Variants in TTC7B observed in about 807,000 individuals in gnomAD.
TTC7B encodes the protein tetratricopeptide repeat domain 7B, also known as tetratricopeptide repeat protein 7B.
TTC7B carries 28 observed loss-of-function variants against 106.8 expected under a neutral mutation model. The observed-to-expected ratio is 0.26, with a 90% CI of 0.19 to 0.36. TTC7B has a LOEUF of 0.36. Among genes scored for constraint, TTC7B ranks in the 10% least tolerant of loss-of-function variants. The pLI, the probability that TTC7B is intolerant of heterozygous loss-of-function variation, is 1.00. For synonymous variants in TTC7B, 405 were observed against 430.6 expected (o/e 0.94, Z 0.74); for missense variants, 862 against 1,076.4 (o/e 0.80, Z 2.79).
intron 18 of TTC7B, among the ~76,000 whole-genome samples, chr14:90,590,359 G>C (rs986257892): frequency 6.6e-6 from 1 of 152,062 alleles, no homozygotes; most frequent in Non-Finnish European, 1.5e-5. Context: ...GGTCATCTCC[G>C]AGTGACCTTT....
intron 19 of TTC7B, among the ~76,000 whole-genome samples, chr14:90,558,590 A>G (rs4904705): frequency 0.34 from 52,109 of 152,168 alleles, 9,841 homozygotes; most frequent in Admixed American, 0.44. Context: ...TAAATGATAA[A>G]ACACCTTCTG....
chr14:90,699,638 C>A (rs1253294413), intron 5 of TTC7B, among the ~76,000 whole-genome samples: 1 of 152,166 alleles, frequency 6.6e-6, no homozygotes, highest in African/African-American at 2.4e-5. Flanking sequence ...GGCTGAGAAT[C>A]TTATAACTAA....
chr14:90,805,348 C>T lies in TTC7B; in HGVS notation c.121+10827G>A, dbSNP rs1324790822. Among the ~76,000 whole-genome samples the T allele has an allele frequency of 3.3e-5, 5 of 152,322 alleles. No homozygotes were observed. The highest frequency in any genetic ancestry group is 2.1e-4 in the South Asian group (1 of 4,826). The stretch of plus-strand genomic sequence containing the variant: ...TCGGCTCACTGCAACCTCTACCTCC[C>T]GGGTTCAGGCAATTCTCCTGTTCTC... On this transcript the variant is annotated intron_variant, in intron 1 of 19. Coordinates refer to ENST00000328459, the MANE Select transcript of TTC7B (RefSeq NM_001010854.2). This position sits in a 1 kb window ranked among gnomAD's most constrained non-coding sequence, Gnocchi z 4.0.
rs549253131 is a variant in TTC7B at position 90,674,247 on chromosome 14, C to G, written c.1152+2276G>C. Among the ~76,000 whole-genome samples, 3 of 152,314 alleles carry G rather than the reference C, an allele frequency of 2.0e-5. No homozygotes were observed. In the East Asian group the frequency reaches 5.8e-4, roughly 29 times the overall value. On this transcript the variant is annotated intron_variant, in intron 9 of 19. Coordinates refer to ENST00000328459, the MANE Select transcript of TTC7B (RefSeq NM_001010854.2). ...ACCCAGAGTAGGATGTGGCCTCGGACAGAGGGAGGGAGAGAGGGCCCACAC... is the reference window on the plus strand; with the variant it reads ...ACCCAGAGTAGGATGTGGCCTCGGAGAGAGGGAGGGAGAGAGGGCCCACAC...
At chr14:90,638,869 G>A (rs982613191) in intron 15 of TTC7B, among the ~76,000 whole-genome samples, 2 of 152,250 alleles carry the variant, frequency 1.3e-5, no homozygotes, top group African/African-American at 2.4e-5. Context: ...GGACTGGCAC[G>A]ATGGCCAATG....
chr14:90,678,381 A>G (rs1205621268), intron 8 of TTC7B, among the ~76,000 whole-genome samples: 6 of 152,238 alleles, frequency 3.9e-5, no homozygotes, highest in Non-Finnish European at 8.8e-5. Context: ...CAGTACCAAC[A>G]AAGAACACAA....
chr14:90,805,798 T>C lies in TTC7B; in HGVS notation c.121+10377A>G, dbSNP rs2030570476. ...GCCGCCCTGCAGGGGGTCCGTGCCC[T>C]GCCTCAGCTCATCAGAGTCACTCCT... On this transcript the variant is annotated intron_variant, in intron 1 of 19. Transcript: ENST00000328459. The surrounding 1 kb of genome is among the most constrained non-coding windows in gnomAD (Gnocchi z 4.0). Among the ~76,000 whole-genome samples the C allele has an allele frequency of 6.6e-6, 1 of 152,168 alleles. No individual in the cohort carries two copies. Among genetic ancestry groups the C allele is most frequent in the Non-Finnish European group, 1.5e-5 (1 of 68,030 alleles).
At chr14:90,722,645 A>G (rs560651576) in intron 5 of TTC7B, among the ~76,000 whole-genome samples, 1 of 152,206 alleles carries the variant, frequency 6.6e-6, no homozygotes, top group South Asian at 2.1e-4. Context: ...CTGCTCCTCA[A>G]CTTCCCCTGT....
intron 15 of TTC7B, among the ~76,000 whole-genome samples, chr14:90,639,420 C>G (rs1345530414): frequency 6.6e-6 from 1 of 152,006 alleles, no homozygotes; most frequent in Non-Finnish European, 1.5e-5. Flanking sequence ...GGTGAATGAC[C>G]AATAGACAAA....
rs746384767 is a variant in TTC7B, at chr14:90,786,380, GGA to G, written c.122-54_122-53del. On this transcript the variant is annotated intron_variant, in intron 1 of 19. Transcript: ENST00000328459. The stretch of plus-strand genomic sequence containing the variant: ...GGGAGCAAGGAATGGCCTGCATGTA[GGA>G]CCCCCTCACTCAAGGGACCCCAGAA... 2.5e-6 allele frequency: 4 copies of G among 1,601,506 alleles called. No homozygotes were observed. The Admixed American group carries it at 6.7e-5, about 27-fold the overall frequency.
rs1049983724 is a variant in TTC7B at position 90,610,913 on chromosome 14, G to A, written c.1869-74C>T. On this transcript the variant is annotated intron_variant, in intron 16 of 19. Transcript: ENST00000328459. ...GAAGGAAAGAGAGGCAACCAATACT[G>A]ACTCCTGAAGGCCAATGAATACTTT... 28 of 955,484 alleles carry A rather than the reference G, an allele frequency of 2.9e-5. No individual in the cohort carries two copies. The African/African-American group carries it at 4.4e-4, about 15-fold the overall frequency. 59.2% of individuals were successfully genotyped at this position (955,484 alleles called of 1,614,324 possible).
intron 19 of TTC7B, among the ~76,000 whole-genome samples, chr14:90,549,335 G>C (rs1358136310): frequency 6.6e-6 from 1 of 152,180 alleles, no homozygotes; most frequent in Non-Finnish European, 1.5e-5. Context: ...GGCCACCTGA[G>C]TCAAACGGGC....
intron 19 of TTC7B, among the ~76,000 whole-genome samples, 193 bp from the exon 20 acceptor site, chr14:90,541,782 T>C (rs1889603661): frequency 1.3e-5 from 2 of 152,234 alleles, no homozygotes; most frequent in African/African-American, 2.4e-5. Flanking sequence ...AGCTGACTAA[T>C]ATGAAATTGC....
intron 5 of TTC7B, chr14:90,698,991 C>A: frequency 2.9e-6 from 1 of 339,966 alleles, no homozygotes; most frequent in Non-Finnish European, 5.7e-6. Flanking sequence ...CTGGTTTTAT[C>A]CTCCTCCTGC....
intron 7 of TTC7B, among the ~76,000 whole-genome samples, chr14:90,686,984 C>G (rs993469710): frequency 2.7e-5 from 4 of 150,128 alleles, no homozygotes; most frequent in African/African-American, 9.8e-5. Flanking sequence ...ATTAAAATCC[C>G]AGCTGCCTAT....
chr14:90,728,383 C>A (rs1297482636), intron 5 of TTC7B, among the ~76,000 whole-genome samples: 1 of 147,802 alleles, frequency 6.8e-6, no homozygotes, highest in Non-Finnish European at 1.5e-5. Flanking sequence ...GTACCTGGCC[C>A]AATCCCATCA....
Position 90,608,749 on chromosome 14 carries a change from T to C in TTC7B, c.1966+1993A>G, listed in dbSNP as rs1595202123. On this transcript the variant is annotated intron_variant, in intron 17 of 19. Transcript: ENST00000328459. This position sits in a 1 kb window ranked among gnomAD's most constrained non-coding sequence, Gnocchi z 5.1. ...ACTCTCAAGCACTCTAGGAAAAATG[T>C]CCCAATGGGCAACGGGAAGAATGAA... Among the ~76,000 whole-genome samples the C allele has an allele frequency of 6.6e-6, 1 of 152,296 alleles. No individual in the cohort carries two copies. Among genetic ancestry groups the C allele is most frequent in the Middle Eastern group, 3.4e-3 (1 of 294 alleles).
At chr14:90,660,829 T>C (rs1886172775) in intron 9 of TTC7B, among the ~76,000 whole-genome samples, 1 of 152,242 alleles carries the variant, frequency 6.6e-6, no homozygotes, top group Non-Finnish European at 1.5e-5. Context: ...AAACATATTC[T>C]ATTTAAAAGC....
intron 3 of TTC7B, among the ~76,000 whole-genome samples, chr14:90,766,291 A>T (rs1355664170): frequency 5.3e-5 from 8 of 152,152 alleles, no homozygotes; most frequent in Non-Finnish European, 7.4e-5. Context: ...AGAGCAGCCT[A>T]TTCAGAGGAA....
Sources: allele counts gnomAD v4.1 joint callset (sites outside exome capture counted in the v4.1 genomes callset), GRCh38; gene constraint gnomAD v4.1.1; non-coding constraint Gnocchi (gnomAD v3.1); transcripts MANE v1.5; gene names NCBI Gene and HGNC (gene_info 2026-07-23, HGNC 2026-07-21).